The following YY1AP1 variants were observed in gnomAD, a reference collection of about 807,000 sequenced individuals.
YY1AP1 encodes the protein YY1-associated protein 1.
YY1AP1 carries 43 observed loss-of-function variants against 39.9 expected under a neutral mutation model. The ratio of observed to expected loss-of-function variants is 1.08; its 90% CI spans 0.84 to 1.39. The LOEUF (loss-of-function observed/expected upper bound fraction) is 1.39, where lower values mean the gene tolerates loss of function less well. YY1AP1 is among the 40% of genes most tolerant of loss of function. YY1AP1 has a pLI of 0.00. For missense variants in YY1AP1, 813 were observed against 900.7 expected, an observed-to-expected ratio of 0.90 and a Z score of 1.25; for synonymous variants, 292 against 331.3, an observed-to-expected ratio of 0.88 and a Z score of 1.29.
chr1:155,681,061 G>A (rs1222822196), intron 2 of YY1AP1, among the ~76,000 whole-genome samples: 4 of 148,556 alleles, frequency 2.7e-5, no homozygotes, highest in East Asian at 2.0e-4. Context: ...ACGGAGTTTC[G>A]CTCTTGTTGC....
chr1:155,659,462 T>C lies in YY1AP1; in HGVS notation c.*195A>G, dbSNP rs992344354. ...ACAAATCAATGAAACAATGAAGCAA[T>C]AAAAGCACAGATTTATTGAAGCAAA... On this transcript the variant is annotated 3_prime_UTR_variant, in exon 11 of 11. Coordinates refer to ENST00000355499, the MANE Select transcript of YY1AP1 (RefSeq NM_139119.3). The C allele has an allele frequency of 1.6e-6, 1 of 618,308 alleles. No homozygotes were observed. Among genetic ancestry groups the C allele is most frequent in the African/African-American group, 1.8e-5 (1 of 54,352 alleles). The allele number at this position is 618,308 out of a possible 1,614,324, so 38.3% of individuals were successfully genotyped here.
chr1:155,659,682 G>T lies in YY1AP1; in HGVS notation c.2228C>A (p.Thr743Lys). The part of the protein sequence containing the change: ...EVVKMEPEDA[T>K]EEISGFL Reference sequence around the variant, plus strand: ...TCAAAGAAATCCACTGATTTCCTCTGTAGCATCTTCAGGTTCCATCTTGAC... The same window carrying T: ...TCAAAGAAATCCACTGATTTCCTCTTTAGCATCTTCAGGTTCCATCTTGAC... The change falls in exon 11 of 11, where the codon ACA becomes AAA. Residue 743 changes from threonine to lysine, a missense_variant. By Grantham distance (78) the Thr-to-Lys change is moderately conservative. Coordinates refer to ENST00000355499, the MANE Select transcript of YY1AP1 (RefSeq NM_139119.3). 6.2e-7 allele frequency: 1 copy of T among 1,614,198 alleles called. No homozygotes were observed. Among genetic ancestry groups the T allele is most frequent in the Non-Finnish European group, 8.5e-7 (1 of 1,180,036 alleles).
chr1:155,688,067 T>C lies in YY1AP1; in HGVS notation c.-21+4A>G. The C allele has an allele frequency of 6.3e-7, 1 of 1,575,194 alleles. No homozygotes were observed. Among genetic ancestry groups the C allele is most frequent in the South Asian group, 1.2e-5 (1 of 85,990 alleles). ...CGAATGCCGGCCCAAATCGTTCTAC[T>C]CACCGTGTCGGAGGCCGAGAGCGAT... On this transcript the variant is annotated splice_donor_region_variant and intron_variant, in intron 2 of 10. Coordinates refer to ENST00000355499, the MANE Select transcript of YY1AP1 (RefSeq NM_139119.3).
intron 9 of YY1AP1, among the ~76,000 whole-genome samples, chr1:155,666,392 A>G (rs940879629): frequency 6.6e-6 from 1 of 152,206 alleles, no homozygotes; most frequent in Non-Finnish European, 1.5e-5. Context: ...AAGTGCTGGG[A>G]TTACAGGCGT....
chr1:155,681,529 T>C (rs1342464210), intron 2 of YY1AP1, among the ~76,000 whole-genome samples: 1 of 151,950 alleles, frequency 6.6e-6, no homozygotes, highest in African/African-American at 2.4e-5. Flanking sequence ...GCAGAGGCTG[T>C]AGTGAGCTGA....
intron 1 of YY1AP1, 28 bp from the exon 2 acceptor site, chr1:155,688,229 G>A: frequency 1.2e-6 from 2 of 1,613,032 alleles, no homozygotes; most frequent in Non-Finnish European, 1.7e-6. Flanking sequence ...GAGGAGAAGG[G>A]AAAGGTGGAG....
chr1:155,660,396 G>C lies in YY1AP1; in HGVS notation c.1514C>G (p.Ser505Cys), dbSNP rs1192202427. The C allele has an allele frequency of 1.6e-5, 26 of 1,614,078 alleles. No homozygotes were observed. The highest frequency in any genetic ancestry group is 2.2e-5 in the Non-Finnish European group (26 of 1,180,050). The change falls in exon 11 of 11, where the codon TCT becomes TGT. Residue 505 changes from serine to cysteine, a missense_variant. Physicochemically the swap from Ser to Cys is moderately radical, Grantham distance 112. Coordinates refer to ENST00000355499, the MANE Select transcript of YY1AP1 (RefSeq NM_139119.3). Reference protein sequence around the residue: ...PLSESQTLLSSAPVPKVMMPS... With the variant: ...PLSESQTLLSCAPVPKVMMPS... ...CATCATTACCTTGGGCACAGGGGCA[G>C]AAGAGAGCAAAGTCTGGGACTCAGA...
intron 1 of YY1AP1, 193 bp downstream of exon 1, chr1:155,688,466 T>G (rs1379432308): frequency 6.5e-7 from 1 of 1,549,814 alleles, no homozygotes; most frequent in Middle Eastern, 1.7e-4. Flanking sequence ...TCCGGCCATG[T>G]AGCGCGCACG....
At chr1:155,674,792 C>G (rs1035601919) in intron 6 of YY1AP1, 4 of 393,568 alleles carry the variant, frequency 1.0e-5, no homozygotes, top group African/African-American at 6.2e-5. Flanking sequence ...TTCCACCGCA[C>G]TCCATCCTGG....
chr1:155,659,848 ACT>A lies in YY1AP1; in HGVS notation c.2060_2061del (p.Gln687LeufsTer53), dbSNP rs1428323226. On this transcript the variant is annotated frameshift_variant, in exon 11 of 11. Coordinates refer to ENST00000355499, the MANE Select transcript of YY1AP1 (RefSeq NM_139119.3). LOFTEE classifies it low-confidence loss of function (END_TRUNC). ...CTGTTCTCTGACAATCCTTCTTGGCACTGTTTATCGACTGGTGGAGGCCCTGG... is the reference window on the plus strand; with the variant it reads ...CTGTTCTCTGACAATCCTTCTTGGCAGTTTATCGACTGGTGGAGGCCCTGG... Reference protein sequence around the residue: ...HSPGPPPVDKQCQEGLSENSA... With the variant: ...HSPGPPPVDKXCQEGLSENSA... 1.1e-5 allele frequency: 17 copies of A among 1,614,040 alleles called. No homozygotes were observed. Among genetic ancestry groups the A allele is most frequent in the Non-Finnish European group, 1.4e-5 (17 of 1,180,034 alleles).
intron 1 of YY1AP1, 21 bp from the exon 2 acceptor site, chr1:155,688,222 G>A (rs554355678): frequency 6.2e-6 from 10 of 1,613,546 alleles, no homozygotes; most frequent in East Asian, 4.5e-5. Flanking sequence ...TGCGAGAGAG[G>A]AGAAGGGAAA....
In YY1AP1 at chr1:155,660,518, T is replaced by C. The variant is rs750258371; in HGVS notation, c.1392A>G (p.Pro464=). 2 of 1,614,124 alleles carry C rather than the reference T, an allele frequency of 1.2e-6. No homozygotes were observed. The highest frequency in any genetic ancestry group is 1.1e-5 in the South Asian group (1 of 91,070). ...CACTGACCCCCAGTGGAGGGACACC[T>C]GGAACTGTCTGTAAAACAGTGGCTG... The part of the protein sequence containing the change: ...IQPATVLQTV[P]GVPPLGVSGG... The change falls in exon 11 of 11, where the codon CCA becomes CCG. Residue 464 remains proline, a synonymous_variant. Coordinates refer to ENST00000355499, the MANE Select transcript of YY1AP1 (RefSeq NM_139119.3).
At position 155,659,716 on chromosome 1, in the gene YY1AP1, C is replaced by A; in HGVS notation, c.2194G>T (p.Glu732Ter). Residue 732 changes from glutamate (E) to a stop codon, truncating the protein, a stop_gained, in exon 11 of 11, where the codon GAG (glutamate) becomes TAG (stop). Coordinates refer to ENST00000355499, the MANE Select transcript of YY1AP1 (RefSeq NM_139119.3). LOFTEE classifies it high-confidence loss of function. Reference protein sequence around the residue: ...SLNNSSPGDLEEVVKMEPEDA... With the variant: ...SLNNSSPGDL ...TCAGGTTCCATCTTGACAACTTCCTCTAAATCCCCAGGGGAAGAGTTGTTT... is the reference window on the plus strand; with the variant it reads ...TCAGGTTCCATCTTGACAACTTCCTATAAATCCCCAGGGGAAGAGTTGTTT... The A allele has an allele frequency of 1.2e-6, 2 of 1,614,252 alleles. No individual in the cohort carries two copies.
At chr1:155,678,499 C>T (rs1571352943) in intron 4 of YY1AP1, among the ~76,000 whole-genome samples, 1 of 152,156 alleles carries the variant, frequency 6.6e-6, no homozygotes, top group East Asian at 1.9e-4. Context: ...TGGTTCCATT[C>T]TGCTATACCA....
At chr1:155,673,992 T>C (rs1650243956) in intron 6 of YY1AP1, among the ~76,000 whole-genome samples, 1 of 151,774 alleles carries the variant, frequency 6.6e-6, no homozygotes, top group South Asian at 2.1e-4. Context: ...AAACCCCGTC[T>C]CTACTAAAAA....
At position 155,660,139 on chromosome 1, in the gene YY1AP1, C is replaced by T. The variant is rs140542694; in HGVS notation, c.1771G>A (p.Ala591Thr). The stretch of plus-strand genomic sequence containing the variant: ...GAAGTAGGGTTAACCAAGAGGGTGG[C>T]GATGGGAATAGTCTGGGGACTCTGG... ...VAQSPQTIPI[A>T]TLLVNPTSFP... The change falls in exon 11 of 11, where the codon GCC becomes ACC. Residue 591 changes from alanine (A) to threonine (T), a missense_variant. Coordinates refer to ENST00000355499, the MANE Select transcript of YY1AP1 (RefSeq NM_139119.3). 1,108 of 1,612,994 alleles carry T rather than the reference C, an allele frequency of 6.9e-4. 1 individual carries two copies. Among genetic ancestry groups the T allele is most frequent in the Non-Finnish European group, 8.5e-4 (1,002 of 1,178,946 alleles).
intron 2 of YY1AP1, among the ~76,000 whole-genome samples, chr1:155,683,960 G>C (rs941530719): frequency 6.6e-6 from 1 of 152,158 alleles, no homozygotes; most frequent in African/African-American, 2.4e-5. Context: ...TACATAGCAA[G>C]ACCTGGGCCA....
intron 9 of YY1AP1, among the ~76,000 whole-genome samples, chr1:155,666,693 C>A (rs1050219281): frequency 2.0e-5 from 3 of 151,450 alleles, no homozygotes; most frequent in Non-Finnish European, 2.9e-5. Context: ...TAGGGACACC[C>A]CATCCCTAAA....
chr1:155,661,800 T>C (rs1648202735), intron 9 of YY1AP1, among the ~76,000 whole-genome samples: 1 of 152,046 alleles, frequency 6.6e-6, no homozygotes, highest in African/African-American at 2.4e-5. Flanking sequence ...GGACTACAGG[T>C]GCCCGCCACC....
Sources: allele counts gnomAD v4.1 joint callset (sites outside exome capture counted in the v4.1 genomes callset), GRCh38; gene constraint gnomAD v4.1.1; transcripts MANE v1.5; gene names NCBI Gene and HGNC (gene_info 2026-07-23, HGNC 2026-07-21).